CCDC88C: variants seen among roughly 807,000 people sequenced by gnomAD.
CCDC88C encodes the protein coiled-coil and HOOK domain protein 88C.
Under a neutral mutation model 198.8 loss-of-function variants are expected in CCDC88C, and 131 were observed. The observed-to-expected ratio is 0.66, with a 90% CI of 0.57 to 0.76. The LOEUF (loss-of-function observed/expected upper bound fraction) is 0.76, where lower values mean the gene tolerates loss of function less well. Ranked by LOEUF, CCDC88C falls within the 30% of genes least tolerant of loss-of-function variation. CCDC88C has a pLI of 0.00. For missense variants in CCDC88C, 2,553 were observed against 2,631.6 expected, an observed-to-expected ratio of 0.97 and a Z score of 0.65; for synonymous variants, 1,166 against 1,114.7, an observed-to-expected ratio of 1.05 and a Z score of -0.92.
chr14:91,293,553 C>CT (rs1567055867), intron 23 of CCDC88C, among the ~76,000 whole-genome samples: 1 of 50,204 alleles, frequency 2.0e-5, no homozygotes, highest in Non-Finnish European at 5.0e-5. Context: ...CCTTCCTGTC[C>CT]CCTCGCCTGC....
intron 25 of CCDC88C, chr14:91,285,483 G>A (rs1890365692): frequency 4.3e-6 from 2 of 464,762 alleles, no homozygotes; most frequent in Non-Finnish European, 4.0e-6. Context: ...ATGGTCCAGG[G>A]AGTGTGACAA....
Position 91,352,886 on chromosome 14 carries a change from T to C in CCDC88C, c.340+6756A>G, listed in dbSNP as rs1248257659. On this transcript the variant is annotated intron_variant, in intron 4 of 29. Transcript: ENST00000389857. The surrounding 1 kb of genome is among the most constrained non-coding windows in gnomAD (Gnocchi z 4.2). The stretch of plus-strand genomic sequence containing the variant: ...AGCACCATCTCTGCAGCAGGAGGAC[T>C]GTTCCTCACAAGCCGGACTCTGAGC... Among the ~76,000 whole-genome samples, 2 of 152,200 alleles carry C rather than the reference T, an allele frequency of 1.3e-5. No individual in the cohort carries two copies. Among genetic ancestry groups the C allele is most frequent in the Non-Finnish European group, 2.9e-5 (2 of 68,030 alleles).
rs1337134340 is a variant in CCDC88C, at chr14:91,338,510, T to C, written c.870A>G (p.Glu290=). 1.3e-6 allele frequency: 2 copies of C among 1,570,346 alleles called. No individual in the cohort carries two copies. Among genetic ancestry groups the C allele is most frequent in the African/African-American group, 1.4e-5 (1 of 73,682 alleles). The part of the protein sequence containing the change: ...TRHEVDQLVL[E]LQKVKQENIQ... ...TCACCTCCTGCTTAACTTTCTGCAG[T>C]TCCAGCACCAGCTGGTCCACCTCAT... The change falls in exon 9 of 30, where the codon GAA becomes GAG. Residue 290 remains glutamate, a synonymous_variant. Coordinates refer to ENST00000389857, the MANE Select transcript of CCDC88C (RefSeq NM_001080414.4). This position sits in a 1 kb window ranked among gnomAD's most constrained non-coding sequence, Gnocchi z 4.8.
Position 91,313,380 on chromosome 14 carries a change from C to T in CCDC88C, c.2436G>A (p.Gln812=), listed in dbSNP as rs756309418. Reference sequence around the variant, plus strand: ...TCCTGTCCTTCTCGGCCCCCTCCAACTGTGCATTGGCCAGCCGGAGGGCCT... The same window carrying T: ...TCCTGTCCTTCTCGGCCCCCTCCAATTGTGCATTGGCCAGCCGGAGGGCCT... ...DLEALRLANA[Q]LEGAEKDRKA... is the part of the protein sequence containing the mutation. Residue 812 remains glutamine (Q), a synonymous_variant, in exon 15 of 30, where the codon CAG becomes CAA. Transcript: ENST00000389857. This position sits in a 1 kb window ranked among gnomAD's most constrained non-coding sequence, Gnocchi z 5.2. The T allele has an allele frequency of 1.2e-6, 2 of 1,609,966 alleles. No homozygotes were observed. The highest frequency in any genetic ancestry group is 1.1e-5 in the South Asian group (1 of 91,080).
At chr14:91,372,677 C>A (rs1372021406) in intron 3 of CCDC88C, among the ~76,000 whole-genome samples, 1 of 152,132 alleles carries the variant, frequency 6.6e-6, no homozygotes, top group African/African-American at 2.4e-5. Flanking sequence ...GTGCACAGAA[C>A]CACCGTTCAG....
At chr14:91,290,333 G>A (rs1043534911) in intron 24 of CCDC88C, among the ~76,000 whole-genome samples, 2 of 152,228 alleles carry the variant, frequency 1.3e-5, no homozygotes, top group Non-Finnish European at 2.9e-5. Context: ...ACAGACTGAG[G>A]TTCGGAAATT....
In CCDC88C at chr14:91,308,767, G is replaced by A. The variant is rs556346724; in HGVS notation, c.2865-275C>T. 7.2e-5 allele frequency among the ~76,000 whole-genome samples: 11 copies of A among 152,284 alleles called. No homozygotes were observed. The East Asian group carries it at 1.7e-3, about 24-fold the overall frequency. On this transcript the variant is annotated intron_variant, in intron 16 of 29. Coordinates refer to ENST00000389857, the MANE Select transcript of CCDC88C (RefSeq NM_001080414.4). ...CAGGAATTATTATTGCCATTTTACC[G>A]AAGGGGAAACTGAGTCTCAGAAAGG...
chr14:91,322,057 T>C lies in CCDC88C; in HGVS notation c.1343-753A>G, dbSNP rs570750141. ...ATTTTAGGTAAGTCATGGGGTTGTT[T>C]TGGGGAGGGGAAAAAAAAAGGTATG... On this transcript the variant is annotated intron_variant, in intron 12 of 29. Transcript: ENST00000389857. 1.8e-4 allele frequency among the ~76,000 whole-genome samples: 28 copies of C among 152,092 alleles called. No homozygotes were observed. The East Asian group carries it at 4.1e-3, about 22-fold the overall frequency.
In CCDC88C at chr14:91,338,152, T is replaced by C; in HGVS notation, c.903A>G (p.Leu301=). ...CACGAGCAGACCGGGCGTCTGCCGC[T>C]AGCTGGATGTTCTGCAAGGTGGACA... ...LQKVKQENIQ[L]AADARSARAY... is the part of the protein sequence containing the mutation. Residue 301 remains leucine (L), a synonymous_variant, in exon 10 of 30, where the codon CTA becomes CTG. Transcript: ENST00000389857. This position sits in a 1 kb window ranked among gnomAD's most constrained non-coding sequence, Gnocchi z 4.8. 6.2e-7 allele frequency: 1 copy of C among 1,613,646 alleles called. No individual in the cohort carries two copies. The highest frequency in any genetic ancestry group is 8.5e-7 in the Non-Finnish European group (1 of 1,179,708).
intron 10 of CCDC88C, among the ~76,000 whole-genome samples, chr14:91,335,213 C>T (rs753614157): frequency 4.6e-5 from 7 of 152,312 alleles, no homozygotes; most frequent in Non-Finnish European, 5.9e-5. Context: ...AAGCAGGGCT[C>T]GTGCATCAGG....
At position 91,308,307 on chromosome 14, in the gene CCDC88C, TGAGAATGGG is replaced by T. The variant is rs1891648189; in HGVS notation, c.3006+35_3006+43del. On this transcript the variant is annotated intron_variant, in intron 17 of 29. Transcript: ENST00000389857. ...GGTGAGGGGCTGGAAAGGGTGAGGC[TGAGAATGGG>T]CAGCTGGGCCCCACAGTGCAACCTC... 3 of 1,609,210 alleles carry T rather than the reference TGAGAATGGG, an allele frequency of 1.9e-6. No homozygotes were observed. In the Admixed American group the frequency reaches 5.0e-5, roughly 27 times the overall value.
chr14:91,392,430 A>C (rs953834737), intron 3 of CCDC88C, among the ~76,000 whole-genome samples: 4 of 152,184 alleles, frequency 2.6e-5, no homozygotes, highest in Non-Finnish European at 5.9e-5. Context: ...CTAGAGGAGG[A>C]GAACCTTTTC....
chr14:91,303,577 T>C (rs914967891), intron 20 of CCDC88C, 124 bp downstream of exon 20: 45 of 990,590 alleles, frequency 4.5e-5, no homozygotes, highest in East Asian at 4.5e-4. Context: ...CCACCCATCT[T>C]CCCCAGGCCC....
In CCDC88C at chr14:91,273,758, C is replaced by T. The variant is rs1889845052; in HGVS notation, c.5059-105G>A. ...CCCGAGCAGCCCACGTGGCTGGGAC[C>T]GCAGTTCCTGCCTGCCTTCTCCGAG... On this transcript the variant is annotated intron_variant, in intron 29 of 29. Coordinates refer to ENST00000389857, the MANE Select transcript of CCDC88C (RefSeq NM_001080414.4). The surrounding 1 kb of genome is among the most constrained non-coding windows in gnomAD (Gnocchi z 5.6). The T allele has an allele frequency of 1.2e-5, 12 of 973,144 alleles. No individual in the cohort carries two copies. The highest frequency in any genetic ancestry group is 6.0e-5 in the East Asian group (2 of 33,460). 60.3% of individuals were successfully genotyped at this position (973,144 alleles called of 1,614,324 possible).
chr14:91,306,972 G>A, intron 18 of CCDC88C, 66 bp downstream of exon 18: 2 of 1,440,250 alleles, frequency 1.4e-6, no homozygotes, highest in Non-Finnish European at 1.9e-6. Context: ...TCATCAATGG[G>A]ACTACTGATA....
rs1894817422 is a variant in CCDC88C, at chr14:91,371,766, G to A, written c.271-12055C>T. 6.6e-6 allele frequency among the ~76,000 whole-genome samples: 1 copy of A among 152,184 alleles called. No homozygotes were observed. The highest frequency in any genetic ancestry group is 1.9e-4 in the East Asian group (1 of 5,188). ...CCCACTCCACCGCTCACCCACCCAG[G>A]CCCACAGGCACCTATGCCAGGGCAG... On this transcript the variant is annotated intron_variant, in intron 3 of 29. Coordinates refer to ENST00000389857, the MANE Select transcript of CCDC88C (RefSeq NM_001080414.4). This position sits in a 1 kb window ranked among gnomAD's most constrained non-coding sequence, Gnocchi z 4.2.
At position 91,408,713 on chromosome 14, in the gene CCDC88C, G is replaced by A; in HGVS notation, c.216C>T (p.Asn72=). 1 of 1,613,834 alleles carries A rather than the reference G, an allele frequency of 6.2e-7. No homozygotes were observed. The highest frequency in any genetic ancestry group is 8.5e-7 in the Non-Finnish European group (1 of 1,179,778). ...AGATGGTCAAATTCTGAATGCGAAG[G>A]TTCACATCATTGTTGACGTGCTTAT... is the stretch of plus-strand genomic sequence containing the variant. The part of the protein sequence containing the change: ...RINKHVNNDV[N]LRIQNLTILV... The change falls in exon 3 of 30, where the codon AAC becomes AAT. Residue 72 remains asparagine (N), a synonymous_variant. Transcript: ENST00000389857.
chr14:91,317,786 C>T (rs1006001322), intron 13 of CCDC88C, among the ~76,000 whole-genome samples: 1 of 152,144 alleles, frequency 6.6e-6, no homozygotes, highest in Non-Finnish European at 1.5e-5. Context: ...AGGCTGGCGT[C>T]GGGCCAGGGA....
At position 91,417,794 on chromosome 14, in the gene CCDC88C, G is replaced by C. The variant is rs1887151540; in HGVS notation, c.-104C>G. On this transcript the variant is annotated 5_prime_UTR_variant, in exon 1 of 30. Transcript: ENST00000389857. ...CAGCGAGCAGCGGGCGCGGGGCTGCGGCGGCTCGCGCCCGGGAGACAAAGG... is the reference window on the plus strand; with the variant it reads ...CAGCGAGCAGCGGGCGCGGGGCTGCCGCGGCTCGCGCCCGGGAGACAAAGG... The C allele has an allele frequency of 2.8e-6, 2 of 706,830 alleles. No homozygotes were observed. The highest frequency in any genetic ancestry group is 3.7e-6 in the Non-Finnish European group (2 of 537,090). The allele number at this position is 706,830 out of a possible 1,614,324, so 43.8% of individuals were successfully genotyped here.
Sources: allele counts gnomAD v4.1 joint callset (sites outside exome capture counted in the v4.1 genomes callset), GRCh38; gene constraint gnomAD v4.1.1; non-coding constraint Gnocchi (gnomAD v3.1); transcripts MANE v1.5; gene names NCBI Gene and HGNC (gene_info 2026-07-23, HGNC 2026-07-21).